The following SCAPER variants were observed in gnomAD, a reference collection of about 807,000 sequenced individuals.
SCAPER encodes S phase cyclin A-associated protein in the endoplasmic reticulum.
A neutral mutation model predicts 182.2 loss-of-function variants in SCAPER; 98 were observed. The ratio of observed to expected loss-of-function variants is 0.54; its 90% CI spans 0.46 to 0.64. SCAPER has a LOEUF of 0.64. SCAPER is among the 30% of genes least tolerant of loss of function. The pLI, the probability that SCAPER is intolerant of heterozygous loss-of-function variation, is 0.00. For synonymous variants in SCAPER, 605 were observed against 564.6 expected (o/e 1.07, Z -1.01); for missense variants, 1,432 against 1,690.0 (o/e 0.85, Z 2.68).
rs750031606 is a variant in SCAPER at position 76,574,215 on chromosome 15, ATTG to A, written c.2778_2780del (p.Asn927del). On this transcript the variant is annotated inframe_deletion, in exon 23 of 32. Coordinates refer to ENST00000563290, the MANE Select transcript of SCAPER (RefSeq NM_020843.4). ...GGGTCCGATCCAAAGCAGACACTTTATTGTTTGCCCATGAGCCACTGTCTTGAA... is the reference window on the plus strand; with the variant it reads ...GGGTCCGATCCAAAGCAGACACTTTATTTGCCCATGAGCCACTGTCTTGAA... 1 of 1,611,622 alleles carries A rather than the reference ATTG, an allele frequency of 6.2e-7. No individual in the cohort carries two copies. Among genetic ancestry groups the A allele is most frequent in the African/African-American group, 1.3e-5 (1 of 75,012 alleles).
chr15:76,815,014 C>T (rs2066949848), intron 5 of SCAPER, among the ~76,000 whole-genome samples: 1 of 150,136 alleles, frequency 6.7e-6, no homozygotes, highest in East Asian at 2.0e-4. Flanking sequence ...AGAAAAAGTG[C>T]TCAACATCAG....
At chr15:76,559,040 G>GTT (rs370848379) in intron 23 of SCAPER, among the ~76,000 whole-genome samples, 1 of 147,264 alleles carries the variant, frequency 6.8e-6, no homozygotes, top group African/African-American at 2.5e-5. Flanking sequence ...ATGAGATCTG[G>GTT]TTTTTTTTTT....
intron 20 of SCAPER, among the ~76,000 whole-genome samples, chr15:76,693,639 G>A (rs2058498633): frequency 6.6e-6 from 1 of 152,040 alleles, no homozygotes; most frequent in African/African-American, 2.4e-5. Context: ...AATTGAATAT[G>A]ATTAAATATA....
At chr15:76,424,426 G>T (rs992353393) in intron 26 of SCAPER, among the ~76,000 whole-genome samples, 1 of 152,150 alleles carries the variant, frequency 6.6e-6, no homozygotes, top group African/African-American at 2.4e-5. Flanking sequence ...TTTTATCAGA[G>T]ACTAGGATTG....
intron 23 of SCAPER, among the ~76,000 whole-genome samples, chr15:76,530,803 GA>G (rs2043592195): frequency 6.6e-6 from 1 of 152,142 alleles, no homozygotes; most frequent in Non-Finnish European, 1.5e-5. Context: ...AGGAAAGGAA[GA>G]GAGAGACAGA....
intron 21 of SCAPER, among the ~76,000 whole-genome samples, chr15:76,625,169 A>T (rs1233127243): frequency 6.6e-6 from 1 of 152,128 alleles, no homozygotes; most frequent in Non-Finnish European, 1.5e-5. Context: ...TGGATCTGTC[A>T]TCAGGCACTC....
At chr15:76,457,306 G>A (rs2048813837) in intron 25 of SCAPER, among the ~76,000 whole-genome samples, 1 of 151,876 alleles carries the variant, frequency 6.6e-6, no homozygotes, top group African/African-American at 2.4e-5. Flanking sequence ...CTTGTGATCC[G>A]TCGGCCTCGG....
chr15:76,514,850 G>T (rs1454170556), intron 23 of SCAPER, among the ~76,000 whole-genome samples: 3 of 152,108 alleles, frequency 2.0e-5, no homozygotes, highest in Non-Finnish European at 4.4e-5. Flanking sequence ...TACTATCCTT[G>T]TCTGTTAATG....
chr15:76,881,504 C>T (rs548613927), intron 2 of SCAPER, among the ~76,000 whole-genome samples: 21 of 152,102 alleles, frequency 1.4e-4, no homozygotes, highest in South Asian at 2.1e-4. Context: ...ATAAGCAAAA[C>T]GTAATATATT....
At chr15:76,438,958 T>G (rs2047381388) in intron 25 of SCAPER, among the ~76,000 whole-genome samples, 1 of 152,232 alleles carries the variant, frequency 6.6e-6, no homozygotes, top group East Asian at 1.9e-4. Context: ...TTGTATAGAT[T>G]TTTCTTTTGC....
At chr15:76,423,150 G>A (rs2046169741) in intron 26 of SCAPER, among the ~76,000 whole-genome samples, 1 of 152,162 alleles carries the variant, frequency 6.6e-6, no homozygotes, top group Admixed American at 6.5e-5. Context: ...GAGTTAGGGA[G>A]GATTCCCTCT....
At chr15:76,628,704 G>A (rs528002391) in intron 21 of SCAPER, among the ~76,000 whole-genome samples, 14 of 152,210 alleles carry the variant, frequency 9.2e-5, no homozygotes, top group South Asian at 4.2e-4. Context: ...GTTGGGTAGC[G>A]CGATGTCTCC....
At chr15:76,587,099 G>A (rs887706856) in intron 22 of SCAPER, among the ~76,000 whole-genome samples, 8 of 152,022 alleles carry the variant, frequency 5.3e-5, no homozygotes, top group Non-Finnish European at 8.8e-5. Context: ...GAACGTAAAG[G>A]TGTTCATAGT....
At chr15:76,363,976 C>A (rs1176932904) in intron 29 of SCAPER, among the ~76,000 whole-genome samples, 1 of 152,160 alleles carries the variant, frequency 6.6e-6, no homozygotes, top group African/African-American at 2.4e-5. Flanking sequence ...AGGCCAATGA[C>A]CTCTATGTGT....
At chr15:76,689,925 TA>T (rs550127904) in intron 20 of SCAPER, among the ~76,000 whole-genome samples, 374 of 129,006 alleles carry the variant, frequency 2.9e-3, no homozygotes, top group Middle Eastern at 7.8e-3. Context: ...TAACTCAAAG[TA>T]AAAAAAAAAA....
At chr15:76,810,551 CCACACACACA>C (rs67252250) in intron 5 of SCAPER, among the ~76,000 whole-genome samples, 5 of 133,458 alleles carry the variant, frequency 3.7e-5, no homozygotes, top group Non-Finnish European at 7.9e-5. Flanking sequence ...AAAAAAAAAA[CCACACACACA>C]CACACACACA....
At chr15:76,756,243 C>CAAAAA (rs34158299) in intron 14 of SCAPER, among the ~76,000 whole-genome samples, 20 of 65,860 alleles carry the variant, frequency 3.0e-4, no homozygotes, top group Non-Finnish European at 3.7e-4. Flanking sequence ...GACTCCGTCT[C>CAAAAA]AAAAAAAAAA....
chr15:76,621,245 C>T (rs2146093568), intron 22 of SCAPER, among the ~76,000 whole-genome samples: 1 of 152,208 alleles, frequency 6.6e-6, no homozygotes, highest in Non-Finnish European at 1.5e-5. Context: ...CCTTTGTTTA[C>T]CTAGCTATTA....
intron 20 of SCAPER, among the ~76,000 whole-genome samples, chr15:76,685,849 A>G (rs2058009303): frequency 6.6e-6 from 1 of 152,132 alleles, no homozygotes; most frequent in African/African-American, 2.4e-5. Flanking sequence ...TCATGCATGC[A>G]TGAAATGTAG....
Sources: gnomAD v4.1 joint callset for allele counts (sites outside exome capture counted in the v4.1 genomes callset) on GRCh38, gnomAD v4.1.1 for gene constraint, MANE v1.5 for transcripts, NCBI Gene and HGNC (gene_info 2026-07-23, HGNC 2026-07-21) for gene names.